The following DOCK10 variants were observed in gnomAD, a reference collection of about 807,000 sequenced individuals.
DOCK10 encodes the protein dedicator of cytokinesis protein 10.
A neutral mutation model predicts 280.1 loss-of-function variants in DOCK10; 145 were observed. The observed-to-expected ratio is 0.52, with a 90% confidence interval of 0.45 to 0.59. DOCK10 has a LOEUF of 0.59. Among genes scored for constraint, DOCK10 ranks in the 20% least tolerant of loss-of-function variants. The probability of loss-of-function intolerance (pLI) is 0.00; values close to 1 mark genes in which losing one functional copy is unlikely to be tolerated. For synonymous variants in DOCK10, 915 were observed against 942.2 expected (o/e 0.97, Z 0.53); for missense variants, 2,368 against 2,651.7 (o/e 0.89, Z 2.35).
chr2:224,937,148 T>C (rs1702736760), intron 1 of DOCK10, among the ~76,000 whole-genome samples: 1 of 152,176 alleles, frequency 6.6e-6, no homozygotes, highest in African/African-American at 2.4e-5. Flanking sequence ...TCTGGTAACT[T>C]ACTTAAATAC....
intron 31 of DOCK10, among the ~76,000 whole-genome samples, chr2:224,813,486 G>A (rs1166184111): frequency 2.6e-5 from 4 of 152,100 alleles, no homozygotes; most frequent in African/African-American, 4.8e-5. Context: ...ATGATCCACC[G>A]CGCCCAATTT....
intron 31 of DOCK10, among the ~76,000 whole-genome samples, chr2:224,812,576 G>A (rs1475085502): frequency 1.3e-5 from 2 of 152,156 alleles, no homozygotes; most frequent in Non-Finnish European, 2.9e-5. Flanking sequence ...GTTTTCAAAG[G>A]GAATGCTTCC....
intron 3 of DOCK10, among the ~76,000 whole-genome samples, chr2:224,899,979 A>G (rs1337942862): frequency 6.6e-6 from 1 of 152,204 alleles, no homozygotes; most frequent in Non-Finnish European, 1.5e-5. Flanking sequence ...TTTGGATCTC[A>G]GATTTAGTTC....
chr2:224,868,588 C>T (rs1031548732), intron 11 of DOCK10, among the ~76,000 whole-genome samples: 7 of 152,142 alleles, frequency 4.6e-5, no homozygotes, highest in Non-Finnish European at 5.9e-5. Flanking sequence ...ACAGTATCTC[C>T]TATCTTTTGA....
intron 11 of DOCK10, among the ~76,000 whole-genome samples, chr2:224,870,757 A>T (rs545767979): frequency 6.9e-6 from 1 of 145,204 alleles, no homozygotes; most frequent in South Asian, 2.2e-4. Flanking sequence ...TCTCCCCCCA[A>T]CCAACATCAT....
chr2:224,879,473 C>T (rs1490873596), intron 7 of DOCK10, among the ~76,000 whole-genome samples: 1 of 152,124 alleles, frequency 6.6e-6, no homozygotes, highest in African/African-American at 2.4e-5. Context: ...AATAGACACT[C>T]AGGGCTGGGC....
chr2:224,885,980 A>T, intron 6 of DOCK10, 83 bp downstream of exon 6: 1 of 1,569,034 alleles, frequency 6.4e-7, no homozygotes, highest in Non-Finnish European at 8.7e-7. Context: ...CTCAATGCAA[A>T]TGGCTCTCTT....
chr2:225,011,926 G>C (rs73083786), intron 1 of DOCK10, among the ~76,000 whole-genome samples: 1 of 152,068 alleles, frequency 6.6e-6, no homozygotes, highest in Non-Finnish European at 1.5e-5. Context: ...ATGCACATAC[G>C]CAACTGAATT....
intron 1 of DOCK10, among the ~76,000 whole-genome samples, chr2:224,965,911 T>G (rs1704713096): frequency 6.6e-6 from 1 of 152,244 alleles, no homozygotes; most frequent in South Asian, 2.1e-4. Context: ...TAAATTTCAA[T>G]TCAACCACGT....
rs543846746 is a variant in DOCK10 at position 224,907,531 on chromosome 2, C to T, written c.333+9164G>A. On this transcript the variant is annotated intron_variant, in intron 3 of 55. Coordinates refer to ENST00000258390, the MANE Select transcript of DOCK10 (RefSeq NM_014689.3). ...TGAAACCCTGTCTCTACTAAAAATA[C>T]AAAAAAATTAGCCGGGTGTGGTGGC... 2.0e-5 allele frequency among the ~76,000 whole-genome samples: 3 copies of T among 151,970 alleles called. No individual in the cohort carries two copies. The South Asian group carries it at 6.2e-4, about 32-fold the overall frequency.
chr2:225,035,549 T>G (rs1203191592), intron 1 of DOCK10, among the ~76,000 whole-genome samples: 1,461 of 18,422 alleles, frequency 0.079, 89 homozygotes, highest in Non-Finnish European at 0.11. Flanking sequence ...ATATTATATA[T>G]ATATATATAT....
chr2:224,865,986 A>C (rs1404746413), intron 11 of DOCK10, among the ~76,000 whole-genome samples: 1 of 151,974 alleles, frequency 6.6e-6, no homozygotes, highest in Non-Finnish European at 1.5e-5. Context: ...TCCTCTCCTA[A>C]ATACTCCAGC....
intron 19 of DOCK10, among the ~76,000 whole-genome samples, chr2:224,846,406 G>GA (rs1014559790): frequency 1.4e-4 from 21 of 149,686 alleles, no homozygotes; most frequent in Admixed American, 1.2e-3. Flanking sequence ...AAATGCAGAA[G>GA]TTTTTTTTTC....
chr2:224,800,312 G>T, intron 40 of DOCK10, 49 bp from the exon 41 acceptor site: 1 of 1,136,296 alleles, frequency 8.8e-7, no homozygotes, highest in Non-Finnish European at 1.3e-6. Flanking sequence ...ACAATGCTTT[G>T]TACCCTATAA....
chr2:224,895,688 T>G lies in DOCK10; in HGVS notation c.416+607A>C, dbSNP rs535883933. 2.0e-5 allele frequency among the ~76,000 whole-genome samples: 3 copies of G among 152,278 alleles called. No individual in the cohort carries two copies. In the East Asian group the frequency reaches 5.8e-4, roughly 29 times the overall value. On this transcript the variant is annotated intron_variant, in intron 4 of 55. Coordinates refer to ENST00000258390, the MANE Select transcript of DOCK10 (RefSeq NM_014689.3). ...GACACTGAATTAATTTCTATTTTTG[T>G]TCAGGTAGTCAGGTGAGCTTTTCTG...
intron 1 of DOCK10, among the ~76,000 whole-genome samples, chr2:225,016,068 T>A (rs1403354454): frequency 6.6e-6 from 1 of 152,230 alleles, no homozygotes. Context: ...AAATTGTTTA[T>A]GTACTATTTC....
At chr2:224,956,617 C>T (rs1704051800) in intron 1 of DOCK10, among the ~76,000 whole-genome samples, 1 of 113,890 alleles carries the variant, frequency 8.8e-6, no homozygotes, top group Non-Finnish European at 1.7e-5. Flanking sequence ...GGGCGAGACG[C>T]TACCTCAGAA....
rs865840354 is a variant in DOCK10 at position 224,807,725 on chromosome 2, A to G, written c.3645T>C (p.Asn1215=). 2.5e-6 allele frequency: 4 copies of G among 1,574,130 alleles called. No homozygotes were observed. The highest frequency in any genetic ancestry group is 2.7e-5 in the African/African-American group (2 of 74,188). ...YMPLYGMLLD[N]MPRIYLKDLY... ...GGTCCTTCAGATAAATCCTTGGCAT[A>G]TTGTCCAGGAGCATGCCGTACAGGG... Residue 1215 remains asparagine, a synonymous_variant, in exon 33 of 56, where the codon AAT becomes AAC. Coordinates refer to ENST00000258390, the MANE Select transcript of DOCK10 (RefSeq NM_014689.3).
chr2:224,864,407 G>A, intron 13 of DOCK10, 146 bp downstream of exon 13: 1 of 750,344 alleles, frequency 1.3e-6, no homozygotes, highest in Non-Finnish European at 2.0e-6. Flanking sequence ...CTACTGGGGA[G>A]GCTGAGGCAA....
Sources: gnomAD v4.1 joint callset for allele counts (sites outside exome capture counted in the v4.1 genomes callset) on GRCh38, gnomAD v4.1.1 for gene constraint, MANE v1.5 for transcripts, NCBI Gene and HGNC (gene_info 2026-07-23, HGNC 2026-07-21) for gene names.